Variants in CPA6 observed in about 807,000 individuals in gnomAD.
The protein encoded by CPA6 is carboxypeptidase B.
In CPA6, 58 loss-of-function variants were observed where a neutral mutation model predicts 63.3. The ratio of observed to expected loss-of-function variants is 0.92; its 90% confidence interval spans 0.74 to 1.14. The LOEUF (loss-of-function observed/expected upper bound fraction) is 1.14. CPA6 is among the 50% of genes most tolerant of loss of function. The probability of loss-of-function intolerance (pLI) is 0.00; values close to 1 mark genes in which losing one functional copy is unlikely to be tolerated. For missense variants in CPA6, 565 were observed against 526.6 expected (o/e 1.07, Z -0.71); for synonymous variants, 185 against 179.0 (o/e 1.03, Z -0.27).
intron 8 of CPA6, among the ~76,000 whole-genome samples, chr8:67,460,293 T>C (rs560977536): frequency 6.6e-6 from 1 of 152,226 alleles, no homozygotes; most frequent in Non-Finnish European, 1.5e-5. Context: ...CCTCTTAGTC[T>C]ATCACATAAA....
chr8:67,482,874 T>G (rs1811388481), intron 8 of CPA6, among the ~76,000 whole-genome samples: 1 of 152,236 alleles, frequency 6.6e-6, no homozygotes, highest in South Asian at 2.1e-4. Flanking sequence ...TCTAATTGAC[T>G]GAAGCCTCTT....
At chr8:67,489,086 A>G (rs957930934) in intron 6 of CPA6, among the ~76,000 whole-genome samples, 1 of 151,944 alleles carries the variant, frequency 6.6e-6, no homozygotes, top group Non-Finnish European at 1.5e-5. Context: ...TTCCAACACT[A>G]TGTTGAATAG....
intron 6 of CPA6, among the ~76,000 whole-genome samples, chr8:67,490,462 C>T (rs1416940448): frequency 3.9e-5 from 6 of 152,146 alleles, no homozygotes; most frequent in South Asian, 2.1e-4. Context: ...ATGCACCACA[C>T]GCCTCAGTGT....
chr8:67,536,603 C>T (rs566947003), intron 2 of CPA6, among the ~76,000 whole-genome samples: 6 of 152,110 alleles, frequency 3.9e-5, no homozygotes, highest in Admixed American at 6.5e-5. Context: ...TGGGCTGAGA[C>T]GATGGGATTT....
chr8:67,679,522 T>C (rs182867916), intron 1 of CPA6, among the ~76,000 whole-genome samples: 1 of 152,350 alleles, frequency 6.6e-6, no homozygotes, highest in Admixed American at 6.5e-5. Context: ...AATATTACTA[T>C]GCTTGTTACT....
intron 8 of CPA6, among the ~76,000 whole-genome samples, chr8:67,448,686 AAAAG>A (rs1587437574): frequency 6.7e-6 from 1 of 149,802 alleles, no homozygotes; most frequent in East Asian, 1.9e-4. Context: ...AAAAGAAAGA[AAAAG>A]AAAAAAAAGA....
At chr8:67,428,646 G>A (rs1002746108) in intron 9 of CPA6, among the ~76,000 whole-genome samples, 1 of 152,154 alleles carries the variant, frequency 6.6e-6, no homozygotes, top group Non-Finnish European at 1.5e-5. Context: ...ACCACGCCTT[G>A]CTATTTTTTT....
intron 2 of CPA6, among the ~76,000 whole-genome samples, chr8:67,603,024 T>C (rs1814536460): frequency 6.6e-6 from 1 of 152,220 alleles, no homozygotes; most frequent in Non-Finnish European, 1.5e-5. Flanking sequence ...AATGGTCTCA[T>C]TATAAGCAAG....
chr8:67,718,482 T>G (rs1817426356), intron 1 of CPA6, among the ~76,000 whole-genome samples: 1 of 152,150 alleles, frequency 6.6e-6, no homozygotes, highest in Admixed American at 6.5e-5. Context: ...AAGGTACATG[T>G]GCAGGTCAGA....
intron 2 of CPA6, among the ~76,000 whole-genome samples, chr8:67,533,236 C>T (rs1003763276): frequency 1.3e-5 from 2 of 152,080 alleles, no homozygotes; most frequent in African/African-American, 4.8e-5. Flanking sequence ...CTGCCTGGGA[C>T]AAGGAAATGG....
chr8:67,462,405 A>G (rs1810833884), intron 8 of CPA6, among the ~76,000 whole-genome samples: 1 of 152,286 alleles, frequency 6.6e-6, no homozygotes, highest in South Asian at 2.1e-4. Context: ...AATTTACTTA[A>G]CTAGTCCTCT....
At chr8:67,501,814 G>A (rs945801173) in intron 6 of CPA6, among the ~76,000 whole-genome samples, 3 of 152,274 alleles carry the variant, frequency 2.0e-5, no homozygotes, top group Middle Eastern at 3.4e-3. Flanking sequence ...TTGAATTGGT[G>A]TTAATTCTTC....
chr8:67,503,195 C>A (rs575648155), intron 6 of CPA6, among the ~76,000 whole-genome samples: 1 of 151,870 alleles, frequency 6.6e-6, no homozygotes, highest in African/African-American at 2.4e-5. Flanking sequence ...TGTGCCACCA[C>A]ATCCAGCTAA....
intron 8 of CPA6, among the ~76,000 whole-genome samples, chr8:67,435,855 G>C (rs377453135): frequency 6.6e-6 from 1 of 151,298 alleles, no homozygotes; most frequent in East Asian, 1.9e-4. Context: ...AGAGTCACTG[G>C]GGGCACAGGG....
intron 8 of CPA6, among the ~76,000 whole-genome samples, chr8:67,472,092 G>A (rs1359498411): frequency 2.0e-5 from 3 of 152,196 alleles, no homozygotes; most frequent in Non-Finnish European, 2.9e-5. Flanking sequence ...TAGTGGAAAA[G>A]GTATTAGTAG....
chr8:67,475,882 C>T (rs201973511), intron 8 of CPA6, among the ~76,000 whole-genome samples: 30,296 of 64,066 alleles, frequency 0.47, 5,581 homozygotes, highest in African/African-American at 0.55. Flanking sequence ...TTTCTTTCTC[C>T]TTTCTTTCTT....
intron 1 of CPA6, among the ~76,000 whole-genome samples, chr8:67,727,883 C>T (rs563980943): frequency 4.7e-4 from 72 of 152,100 alleles, no homozygotes; most frequent in African/African-American, 1.6e-3. Context: ...TCGAGACCAT[C>T]CTGGCTAACA....
chr8:67,586,223 A>G lies in CPA6; in HGVS notation c.192+37953T>C, dbSNP rs547967280. On this transcript the variant is annotated intron_variant, in intron 2 of 10. Coordinates refer to ENST00000297770, the MANE Select transcript of CPA6 (RefSeq NM_020361.5). ...TATATGTTCTGTTAGGGGGTTGAGG[A>G]TGAGAGTAAGTCATATTATTCTGTA... is the stretch of plus-strand genomic sequence containing the variant. Among the ~76,000 whole-genome samples the G allele has an allele frequency of 2.6e-5, 4 of 152,204 alleles. No individual in the cohort carries two copies. In the South Asian group the frequency reaches 8.3e-4, roughly 32 times the overall value.
chr8:67,606,325 C>A (rs1401163737), intron 2 of CPA6, among the ~76,000 whole-genome samples: 2 of 151,598 alleles, frequency 1.3e-5, no homozygotes, highest in African/African-American at 4.9e-5. Flanking sequence ...AAAACATATA[C>A]CCTAAAAAGT....
Sources: allele counts gnomAD v4.1 joint callset (sites outside exome capture counted in the v4.1 genomes callset), GRCh38; gene constraint gnomAD v4.1.1; transcripts MANE v1.5; gene names NCBI Gene and HGNC (gene_info 2026-07-23, HGNC 2026-07-21).